Variants in FAM13B observed in about 807,000 individuals in gnomAD.
FAM13B encodes protein FAM13B.
In FAM13B, 60 loss-of-function variants were observed where a neutral mutation model predicts 117.3. The ratio of observed to expected loss-of-function variants is 0.51; its 90% confidence interval spans 0.42 to 0.63. FAM13B has a LOEUF of 0.63. Ranked by LOEUF, FAM13B falls within the 30% of genes least tolerant of loss-of-function variation. The pLI, the probability that FAM13B is intolerant of heterozygous loss-of-function variation, is 0.00. For synonymous variants in FAM13B, 332 were observed against 356.1 expected, an observed-to-expected ratio of 0.93 and a Z score of 0.76; for missense variants, 972 against 1,091.9, an observed-to-expected ratio of 0.89 and a Z score of 1.55.
intron 2 of FAM13B, 32 bp downstream of exon 2, chr5:138,020,999 A>G: frequency 8.2e-7 from 1 of 1,224,664 alleles, no homozygotes; most frequent in Non-Finnish European, 1.0e-6. Flanking sequence ...GGATTTATAG[A>G]GCACGAGATA....
intron 13 of FAM13B, among the ~76,000 whole-genome samples, chr5:137,959,249 C>T (rs773042285): frequency 3.9e-5 from 6 of 152,184 alleles, no homozygotes; most frequent in East Asian, 1.9e-4. Flanking sequence ...TAATTATACA[C>T]GCTCTGCTTA....
Position 137,940,249 on chromosome 5 carries a change from T to C in FAM13B, c.2790A>G (p.Lys930=), listed in dbSNP as rs968318747. ...KLRLLEVLIS[K]QDSSKSI is the part of the protein sequence containing the mutation. ...CTTATATGGATTTTGAAGAATCTTG[T>C]TTGCTTATAAGAACTTCAAGAAGCC... is the stretch of plus-strand genomic sequence containing the variant. Residue 930 remains lysine (K), a synonymous_variant, in exon 24 of 24, where the codon AAA becomes AAG. Transcript: ENST00000689681. The C allele has an allele frequency of 6.2e-7, 1 of 1,614,068 alleles. No individual in the cohort carries two copies. Among genetic ancestry groups the C allele is most frequent in the Non-Finnish European group, 8.5e-7 (1 of 1,179,942 alleles).
At chr5:138,029,926 A>G (rs1247192814) in intron 1 of FAM13B, among the ~76,000 whole-genome samples, 1 of 152,240 alleles carries the variant, frequency 6.6e-6, no homozygotes, top group Non-Finnish European at 1.5e-5. Context: ...ATCTTTATAC[A>G]TTATATATAC....
At chr5:138,008,112 C>T (rs1561523156) in intron 6 of FAM13B, among the ~76,000 whole-genome samples, 1 of 152,154 alleles carries the variant, frequency 6.6e-6, no homozygotes, top group African/African-American at 2.4e-5. Context: ...TATCACACTC[C>T]TAATCAACAA....
intron 18 of FAM13B, among the ~76,000 whole-genome samples, chr5:137,946,642 A>G (rs1302845652): frequency 6.6e-6 from 1 of 152,194 alleles, no homozygotes; most frequent in Non-Finnish European, 1.5e-5. Flanking sequence ...ACTTCGTTCT[A>G]CCTTAAAGGG....
At chr5:137,964,899 G>C (rs10051399) in intron 10 of FAM13B, among the ~76,000 whole-genome samples, 112,084 of 151,836 alleles carry the variant, frequency 0.74, 42,016 homozygotes, top group East Asian at 0.97. Context: ...AGGCACAGAG[G>C]CTCACACTTG....
chr5:137,955,724 T>C (rs925632094), intron 14 of FAM13B, among the ~76,000 whole-genome samples: 11 of 152,132 alleles, frequency 7.2e-5, no homozygotes, highest in South Asian at 2.1e-4. Flanking sequence ...CTCTGCCTCC[T>C]GGGTTCAAGC....
chr5:137,945,621 A>G (rs965932433), intron 20 of FAM13B, among the ~76,000 whole-genome samples: 9 of 152,202 alleles, frequency 5.9e-5, no homozygotes, highest in African/African-American at 2.2e-4. Flanking sequence ...CCTAAGCCTC[A>G]GTTTCATCAC....
At chr5:138,019,286 T>G (rs755961913) in intron 2 of FAM13B, 140 bp from the exon 3 acceptor site, 6 of 680,790 alleles carry the variant, frequency 8.8e-6, no homozygotes, top group Non-Finnish European at 1.4e-5. Flanking sequence ...CATAGTGTGT[T>G]CTACAGATGA....
rs1783859175 is a variant in FAM13B, at chr5:138,010,992, A to G, written c.690+16T>C. On this transcript the variant is annotated intron_variant, in intron 6 of 23. Coordinates refer to ENST00000689681, the MANE Select transcript of FAM13B (RefSeq NM_001385994.1). ...AAAAAAAAAAAAAATTATCCCTCCA[A>G]ATAGAATATTCTCACCTGTTCAGTA... The G allele has an allele frequency of 6.7e-7, 1 of 1,497,622 alleles. No individual in the cohort carries two copies. Among genetic ancestry groups the G allele is most frequent in the African/African-American group, 1.4e-5 (1 of 69,658 alleles). 92.8% of individuals were successfully genotyped at this position (1,497,622 alleles called of 1,614,324 possible). A position where few individuals can be genotyped will look rare whatever the true frequency, so the allele number is the denominator to read the frequency against.
intron 1 of FAM13B, among the ~76,000 whole-genome samples, chr5:138,051,231 T>A (rs552085395): frequency 6.6e-6 from 1 of 152,334 alleles, no homozygotes; most frequent in Admixed American, 6.5e-5. Flanking sequence ...TAGAAATAGA[T>A]CCATATTAGT....
At chr5:138,026,890 G>A (rs1788558311) in intron 1 of FAM13B, among the ~76,000 whole-genome samples, 2 of 151,258 alleles carry the variant, frequency 1.3e-5, no homozygotes, top group African/African-American at 4.9e-5. Context: ...AGTGAGCCGA[G>A]ATCGCGCCAT....
At position 137,940,025 on chromosome 5, in the gene FAM13B, T is replaced by C. The variant is rs1761168885; in HGVS notation, c.*200A>G. On this transcript the variant is annotated 3_prime_UTR_variant, in exon 24 of 24. Coordinates refer to ENST00000689681, the MANE Select transcript of FAM13B (RefSeq NM_001385994.1). ...GGTGGAGAGGACAGTCTGTGGTTAA[T>C]ATGGAACATCACTTACGCTCCCTTG... The C allele has an allele frequency of 6.2e-7, 1 of 1,612,004 alleles. No homozygotes were observed. The highest frequency in any genetic ancestry group is 1.7e-5 in the Admixed American group (1 of 59,858).
chr5:138,033,453 G>A (rs569620778), upstream of FAM13B, among the ~76,000 whole-genome samples: 4 of 152,362 alleles, frequency 2.6e-5, no homozygotes, highest in African/African-American at 9.6e-5. Flanking sequence ...ACCGAAAACC[G>A]CTGGGGGAGA....
At chr5:138,029,301 C>G (rs1789291574) in intron 1 of FAM13B, among the ~76,000 whole-genome samples, 1 of 152,198 alleles carries the variant, frequency 6.6e-6, no homozygotes, top group South Asian at 2.1e-4. Context: ...CCCTTCTAGG[C>G]AACAACTACA....
At position 138,025,343 on chromosome 5, in the gene FAM13B, T is replaced by C. The variant is rs532842927; in HGVS notation, c.-202-4146A>G. On this transcript the variant is annotated intron_variant, in intron 1 of 23. Coordinates refer to ENST00000689681, the MANE Select transcript of FAM13B (RefSeq NM_001385994.1). ...TTTTTTTTTTTTTTTTGAGTTGAGG[T>C]CTCACCCTGTTGCCCAGGCTGGAGT... is the stretch of plus-strand genomic sequence containing the variant. 5.8e-4 allele frequency among the ~76,000 whole-genome samples: 73 copies of C among 124,870 alleles called. 1 individual carries two copies. Among genetic ancestry groups the C allele is most frequent in the African/African-American group, 2.2e-3 (68 of 31,084 alleles). The allele number at this position is 124,870 out of a possible 152,430, so 81.9% of individuals were successfully genotyped here. A position where few individuals can be genotyped will look rare whatever the true frequency, so the allele number is the denominator to read the frequency against.
chr5:137,999,676 A>G lies in FAM13B; in HGVS notation c.848+7314T>C, dbSNP rs145010914. Among the ~76,000 whole-genome samples, 14 of 152,326 alleles carry G rather than the reference A, an allele frequency of 9.2e-5. No homozygotes were observed. In the East Asian group the frequency reaches 1.3e-3, roughly 15 times the overall value. ...ATTTTCTTAGTCCATTCACATTACT[A>G]TAACAAAATGCCATACACTAGGAAA... On this transcript the variant is annotated intron_variant, in intron 7 of 23. Transcript: ENST00000689681.
chr5:138,009,344 G>GA (rs1287992910), intron 6 of FAM13B, among the ~76,000 whole-genome samples: 1 of 152,180 alleles, frequency 6.6e-6, no homozygotes, highest in Non-Finnish European at 1.5e-5. Flanking sequence ...ACACAAAGGT[G>GA]AAAATCTCAA....
In FAM13B at chr5:137,943,163, T is replaced by C; in HGVS notation, c.2394A>G (p.Gly798=). 1 of 1,614,164 alleles carries C rather than the reference T, an allele frequency of 6.2e-7. No homozygotes were observed. The change falls in exon 21 of 24, where the codon GGA becomes GGG. Residue 798 remains glycine (G), a synonymous_variant. Coordinates refer to ENST00000689681, the MANE Select transcript of FAM13B (RefSeq NM_001385994.1). ...RGQMLQPIIE[G]ETAHFFEEIK... Reference sequence around the variant, plus strand: ...TTTCTTCAAAAAAATGTGCAGTTTCTCCTTCTATGATTGGCTGTAACATCT... The same window carrying C: ...TTTCTTCAAAAAAATGTGCAGTTTCCCCTTCTATGATTGGCTGTAACATCT...
Sources: gnomAD v4.1 joint callset for allele counts (sites outside exome capture counted in the v4.1 genomes callset) on GRCh38, gnomAD v4.1.1 for gene constraint, MANE v1.5 for transcripts, NCBI Gene and HGNC (gene_info 2026-07-23, HGNC 2026-07-21) for gene names.